Variants in WNK3 observed in about 807,000 individuals in gnomAD.
WNK3 encodes serine/threonine-protein kinase WNK3.
Under a neutral mutation model 116.7 loss-of-function variants are expected in WNK3, and 18 were observed. The observed-to-expected ratio is 0.15, with a 90% CI of 0.11 to 0.23. WNK3 has a LOEUF of 0.23. Among genes scored for constraint, WNK3 ranks in the 10% least tolerant of loss-of-function variants. The pLI is 1.00. For synonymous variants in WNK3, 404 were observed against 469.4 expected (o/e 0.86, Z 1.80); for missense variants, 993 against 1,323.8 (o/e 0.75, Z 3.88).
intron 1 of WNK3, 27 bp from the exon 2 acceptor site, chrX:54,333,819 A>G: frequency 2.3e-6 from 1 of 441,188 alleles, no homozygotes; most frequent in Non-Finnish European, 3.8e-6. Context: ...AGATATTTTA[A>G]AATCACCCTA....
intron 1 of WNK3, among the ~76,000 whole-genome samples, chrX:54,334,256 T>C (rs782818694): frequency 1.8e-5 from 2 of 111,977 alleles, no homozygotes; most frequent in Non-Finnish European, 1.9e-5. Context: ...CATTTTTAAT[T>C]ATACAATTCA....
chrX:54,270,793 T>C (rs1198302578), intron 10 of WNK3, among the ~76,000 whole-genome samples: 3 of 111,087 alleles, frequency 2.7e-5, no homozygotes, highest in Non-Finnish European at 5.7e-5. Flanking sequence ...CCATGTGTTC[T>C]CATTGTTCAG....
chrX:54,245,947 G>A (rs1218508864), intron 17 of WNK3, among the ~76,000 whole-genome samples: 5 of 111,835 alleles, frequency 4.5e-5, no homozygotes, highest in African/African-American at 1.3e-4. Flanking sequence ...AAATTACTGC[G>A]CCCAGCCATC....
exon 17 of WNK3, chrX:54,249,104 G>A (rs2068101600): frequency 1.7e-6 from 2 of 1,211,832 alleles, no homozygotes; most frequent in African/African-American, 3.5e-5. Flanking sequence ...GTTGGTTCAA[G>A]GCCAGGGGTC....
At chrX:54,352,229 A>C (rs2069526131) in intron 1 of WNK3, among the ~76,000 whole-genome samples, 1 of 111,806 alleles carries the variant, frequency 8.9e-6, no homozygotes. Context: ...TAGAAAGAAA[A>C]ATAAATAAAA....
intron 10 of WNK3, among the ~76,000 whole-genome samples, chrX:54,287,581 T>A (rs2068594361): frequency 8.9e-6 from 1 of 112,220 alleles, no homozygotes. Flanking sequence ...ATTGACAATC[T>A]TTCCCCATTA....
chrX:54,332,434 G>C (rs1003972435), intron 2 of WNK3, among the ~76,000 whole-genome samples: 4 of 111,869 alleles, frequency 3.6e-5, no homozygotes, highest in Non-Finnish European at 5.6e-5. Flanking sequence ...AAAGAGAAAA[G>C]GTATATGCCA....
At chrX:54,287,085 AG>A (rs1472708892) in intron 10 of WNK3, among the ~76,000 whole-genome samples, 1 of 110,998 alleles carries the variant, frequency 9.0e-6, no homozygotes, top group Non-Finnish European at 1.9e-5. Context: ...ACACTAGAAA[AG>A]TTACTTAACC....
intron 22 of WNK3, among the ~76,000 whole-genome samples, chrX:54,221,361 A>G (rs2067758499): frequency 8.9e-6 from 1 of 112,323 alleles, no homozygotes; most frequent in Non-Finnish European, 1.9e-5. Flanking sequence ...CCTGATTTCA[A>G]AGTCAACTGC....
At chrX:54,234,890 C>T (rs191875067) in intron 20 of WNK3, among the ~76,000 whole-genome samples, 1 of 109,908 alleles carries the variant, frequency 9.1e-6, no homozygotes, top group East Asian at 2.8e-4. Context: ...ACTTATATCA[C>T]AAATATGAAA....
intron 22 of WNK3, among the ~76,000 whole-genome samples, chrX:54,222,337 G>A (rs2067772693): frequency 9.1e-6 from 1 of 110,119 alleles, no homozygotes; most frequent in African/African-American, 3.3e-5. Context: ...GATTGCTTAA[G>A]CCCAGGAGCT....
At chrX:54,205,255 CCAACCAACCAACCAAA>C (rs1408210693) in intron 22 of WNK3, among the ~76,000 whole-genome samples, 29 of 92,323 alleles carry the variant, frequency 3.1e-4, no homozygotes, top group Admixed American at 2.4e-3. Context: ...AACCAACCAA[CCAACCAACCAACCAAA>C]CAAACAAACA....
chrX:54,245,145 CGTGTGTGTGTGTGTGTGTGTGTGT>C (rs782272022), intron 17 of WNK3, among the ~76,000 whole-genome samples: 1 of 84,672 alleles, frequency 1.2e-5, no homozygotes, highest in Non-Finnish European at 2.3e-5. Flanking sequence ...CATATATATG[CGTGTGTGTGTGTGTGTGTGTGTGT>C]GTGTGTGTGT....
intron 5 of WNK3, among the ~76,000 whole-genome samples, chrX:54,304,601 A>G (rs2147151577): frequency 9.1e-6 from 1 of 110,126 alleles, no homozygotes; most frequent in African/African-American, 3.3e-5. Flanking sequence ...ATTCCTTAAT[A>G]TCAAATATCT....
At chrX:54,339,211 T>G (rs1456010566) in intron 1 of WNK3, among the ~76,000 whole-genome samples, 1 of 110,151 alleles carries the variant, frequency 9.1e-6, no homozygotes, top group African/African-American at 3.3e-5. Flanking sequence ...CTGACAAAAC[T>G]GGAGAAATAG....
chrX:54,275,415 A>ATGTGTGTGTGTGTGTGTGTGTGTG (rs782672834), intron 10 of WNK3, among the ~76,000 whole-genome samples: 1 of 64,432 alleles, frequency 1.6e-5, no homozygotes, highest in African/African-American at 5.4e-5. Flanking sequence ...ATAAGTTCAT[A>ATGTGTGTGTGTGTGTGTGTGTGTG]TGTGTGTGTG....
At chrX:54,344,086 T>C (rs2069370645) in intron 1 of WNK3, among the ~76,000 whole-genome samples, 1 of 112,285 alleles carries the variant, frequency 8.9e-6, no homozygotes. Flanking sequence ...ATATAAGTAT[T>C]TTCTCTGGCA....
At chrX:54,282,166 A>G (rs888547980) in intron 10 of WNK3, among the ~76,000 whole-genome samples, 6 of 109,820 alleles carry the variant, frequency 5.5e-5, no homozygotes, top group Non-Finnish European at 7.6e-5. Flanking sequence ...CAGCCTCCTG[A>G]GTAGCTGGGA....
chrX:54,326,667 T>TA lies in WNK3; in HGVS notation c.537+6469dup, dbSNP rs1356587077. ...AAGCAACATAGTGAGACCCTGCCTC[T>TA]AAAAAAAAATAATAAAATTAAAATG... On this transcript the variant is annotated intron_variant, in intron 2 of 23. Coordinates refer to ENST00000354646, the Ensembl canonical transcript of WNK3. Among the ~76,000 whole-genome samples the TA allele has an allele frequency of 3.8e-4, 41 of 107,978 alleles. No homozygotes were observed. The South Asian group carries it at 6.9e-3, about 18-fold the overall frequency. The allele number at this position is 107,978 out of a possible 115,157, so 93.8% of individuals were successfully genotyped here. A position where few individuals can be genotyped will look rare whatever the true frequency, so the allele number is the denominator to read the frequency against.
Sources: gnomAD v4.1 joint callset for allele counts (sites outside exome capture counted in the v4.1 genomes callset) on GRCh38, gnomAD v4.1.1 for gene constraint, MANE v1.5 for transcripts, NCBI Gene and HGNC (gene_info 2026-07-23, HGNC 2026-07-21) for gene names.